The following FOLH1 variants were observed in gnomAD, a reference collection of about 807,000 sequenced individuals.
FOLH1 encodes glutamate carboxypeptidase 2.
FOLH1 carries 54 observed loss-of-function variants against 93.9 expected under a neutral mutation model. The observed-to-expected ratio is 0.57, with a 90% CI of 0.46 to 0.72. FOLH1 has a LOEUF of 0.72. FOLH1 is among the 30% of genes least tolerant of loss of function. The probability of loss-of-function intolerance (pLI) is 0.00; values close to 1 mark genes in which losing one functional copy is unlikely to be tolerated. For synonymous variants in FOLH1, 249 were observed against 303.6 expected, an observed-to-expected ratio of 0.82 and a Z score of 1.87; for missense variants, 571 against 892.5, an observed-to-expected ratio of 0.64 and a Z score of 4.59.
Position 49,173,459 on chromosome 11 carries a change from C to T in FOLH1, c.1123G>A (p.Gly375Arg). 2 of 1,606,376 alleles carry T rather than the reference C, an allele frequency of 1.2e-6. No individual in the cohort carries two copies. The highest frequency in any genetic ancestry group is 1.7e-6 in the Non-Finnish European group (2 of 1,175,214). Residue 375 changes from glycine (G) to arginine (R), a missense_variant, in exon 10 of 19, where the codon GGA (glycine) becomes AGA (arginine). By Grantham distance (125) the Gly-to-Arg change is moderately radical. Coordinates refer to ENST00000256999, the MANE Select transcript of FOLH1 (RefSeq NM_004476.3). Reference sequence around the variant, plus strand: ...AACACCCATGAGTCCCGGTGACCTCCCAGAATGACATATCTGTCTAGAAAG... The same window carrying T: ...AACACCCATGAGTCCCGGTGACCTCTCAGAATGACATATCTGTCTAGAAAG... The part of the protein sequence containing the change: ...AVEPDRYVIL[G>R]GHRDSWVFGG...
chr11:49,169,959 T>G (rs1158888502), intron 11 of FOLH1, among the ~76,000 whole-genome samples: 2 of 152,104 alleles, frequency 1.3e-5, no homozygotes, highest in Non-Finnish European at 2.9e-5. Context: ...AATTACACCG[T>G]CAAAATATTA....
chr11:49,171,308 A>C, intron 10 of FOLH1, 31 bp from the exon 11 acceptor site: 1 of 1,525,400 alleles, frequency 6.6e-7, no homozygotes, highest in Non-Finnish European at 8.8e-7. Context: ...TAAATGATAG[A>C]AAAAAAATTC....
At chr11:49,201,255 G>GATATATATATAT (rs35326986) in intron 2 of FOLH1, among the ~76,000 whole-genome samples, 69 of 139,856 alleles carry the variant, frequency 4.9e-4, no homozygotes, top group African/African-American at 1.7e-3. Context: ...AGCATGAAAA[G>GATATATATATAT]ATATATATAT....
chr11:49,179,064 A>C (rs1860424306), intron 7 of FOLH1, among the ~76,000 whole-genome samples: 2 of 152,246 alleles, frequency 1.3e-5, no homozygotes, highest in African/African-American at 4.8e-5. Flanking sequence ...AAATTTGGAC[A>C]AAAGAAAGCT....
In FOLH1 at chr11:49,183,173, T is replaced by C; in HGVS notation, c.896A>G (p.Tyr299Cys). 7.4e-6 allele frequency: 12 copies of C among 1,612,408 alleles called. No homozygotes were observed. The highest frequency in any genetic ancestry group is 1.1e-5 in the South Asian group (1 of 90,620). The change falls in exon 7 of 19, where the codon TAC becomes TGC. Residue 299 changes from tyrosine (Y) to cysteine (C), a missense_variant. Tyr to Cys is a radical substitution (Grantham distance 194). Transcript: ENST00000256999. ...LPSIPVHPIGYYDAQKLLEKM... is the reference protein window; with the variant it reads ...LPSIPVHPIGCYDAQKLLEKM... ...CTCTAGGAGCTTCTGTGCATCATAGTATCCAATTGGATGAACAGGAATACT... is the reference window on the plus strand; with the variant it reads ...CTCTAGGAGCTTCTGTGCATCATAGCATCCAATTGGATGAACAGGAATACT...
chr11:49,186,366 C>T (rs1027186280), intron 5 of FOLH1, among the ~76,000 whole-genome samples: 7 of 152,120 alleles, frequency 4.6e-5, no homozygotes, highest in Middle Eastern at 3.4e-3. Context: ...TAATAATAAA[C>T]CCAGTGCATG....
rs554163208 is a variant in FOLH1, at chr11:49,171,962, G to A, written c.1226-685C>T. On this transcript the variant is annotated intron_variant, in intron 10 of 18. Coordinates refer to ENST00000256999, the MANE Select transcript of FOLH1 (RefSeq NM_004476.3). ...CTTCATCTGTATACAAGGAACAAGA[G>A]AGTAAAGATGAAGACACCACTTGAT... 3.3e-5 allele frequency among the ~76,000 whole-genome samples: 5 copies of A among 152,214 alleles called. No individual in the cohort carries two copies. In the East Asian group the frequency reaches 9.7e-4, roughly 29 times the overall value.
At chr11:49,194,015 G>T (rs1034059402) in intron 3 of FOLH1, among the ~76,000 whole-genome samples, 1 of 151,484 alleles carries the variant, frequency 6.6e-6, no homozygotes, top group Admixed American at 6.6e-5. Flanking sequence ...AAAATTAGCC[G>T]GGCCTACGTG....
At position 49,146,814 on chromosome 11, in the gene FOLH1, A is replaced by G; in HGVS notation, c.2195T>C (p.Ile732Thr). The change falls in exon 19 of 19, where the codon ATT (isoleucine) becomes ACT (threonine). Residue 732 changes from isoleucine (I) to threonine (T), a missense_variant. Physicochemically the swap from Ile to Thr is moderately conservative, Grantham distance 89 (BLOSUM62 -1). Around this residue, in one of 2 missense-constraint regions of FOLH1, gnomAD observed 500 missense variants for 822.9 expected, o/e 0.61. Transcript: ENST00000256999. ...SKAWGEVKRQ[I>T]YVAAFTVQAA... The stretch of plus-strand genomic sequence containing the variant: ...CTGCACTGTGAAGGCTGCAACATAA[A>G]TCTGTCTCTTCACTTCTCCCCAGGC... 6.2e-7 allele frequency: 1 copy of G among 1,613,478 alleles called. No homozygotes were observed. Among genetic ancestry groups the G allele is most frequent in the South Asian group, 1.1e-5 (1 of 91,072 alleles).
chr11:49,185,522 A>G (rs1448016215), intron 6 of FOLH1, 147 bp downstream of exon 6: 1 of 1,064,576 alleles, frequency 9.4e-7, no homozygotes, highest in Non-Finnish European at 1.3e-6. Context: ...GCCTGAACCA[A>G]TCACTTTAGA....
Position 49,188,391 on chromosome 11 carries a change from G to A in FOLH1, c.514-1622C>T, listed in dbSNP as rs142856799. The stretch of plus-strand genomic sequence containing the variant: ...TCAGCTGGGCGTGGTGGCACCGCCT[G>A]TAATCCCAGCTACTCGGGGGCTGAG... On this transcript the variant is annotated intron_variant, in intron 4 of 18. Coordinates refer to ENST00000256999, the MANE Select transcript of FOLH1 (RefSeq NM_004476.3). Among the ~76,000 whole-genome samples, 890 of 151,762 alleles carry A rather than the reference G, an allele frequency of 5.9e-3. 9 individuals are homozygous for A. The highest frequency in any genetic ancestry group is 0.021 in the African/African-American group (851 of 41,378).
Position 49,157,945 on chromosome 11 carries a change from T to A in FOLH1, c.1532+7A>T. On this transcript the variant is annotated splice_region_variant and intron_variant, in intron 14 of 18. Coordinates refer to ENST00000256999, the MANE Select transcript of FOLH1 (RefSeq NM_004476.3). ...GAATTCAGTGGAAACTTCATTCATTTGTTTACCTGGGCATGCCACTGAACT... is the reference window on the plus strand; with the variant it reads ...GAATTCAGTGGAAACTTCATTCATTAGTTTACCTGGGCATGCCACTGAACT... 1 of 1,571,912 alleles carries A rather than the reference T, an allele frequency of 6.4e-7. No individual in the cohort carries two copies.
rs139141692 is a variant in FOLH1, at chr11:49,159,356, T to C, written c.1441-1313A>G. On this transcript the variant is annotated intron_variant, in intron 13 of 18. Coordinates refer to ENST00000256999, the MANE Select transcript of FOLH1 (RefSeq NM_004476.3). Reference sequence around the variant, plus strand: ...TAACATGAAGAGATATTCAATGTTATTGAAAGCTTTTTTCTGCATTTATTG... The same window carrying C: ...TAACATGAAGAGATATTCAATGTTACTGAAAGCTTTTTTCTGCATTTATTG... Among the ~76,000 whole-genome samples the C allele has an allele frequency of 5.9e-3, 897 of 152,372 alleles. 11 individuals are homozygous for C. The highest frequency in any genetic ancestry group is 0.021 in the African/African-American group (858 of 41,588).
intron 6 of FOLH1, among the ~76,000 whole-genome samples, chr11:49,184,715 A>G (rs1344049958): frequency 6.6e-6 from 1 of 152,266 alleles, no homozygotes; most frequent in African/African-American, 2.4e-5. Flanking sequence ...CATAAATGTC[A>G]TAGAAAACTT....
rs971454357 is a variant in FOLH1, at chr11:49,162,841, T to C, written c.1440+1864A>G. On this transcript the variant is annotated intron_variant, in intron 13 of 18. Transcript: ENST00000256999. ...CCACTTTTCTGCAGGGCTGCTGTGT[T>C]GTGCTGGGGGGTCGACTCCAATCGC... is the stretch of plus-strand genomic sequence containing the variant. 5 of 152,054 alleles carry C rather than the reference T, an allele frequency of 3.3e-5. 1 individual carries two copies. The highest frequency in any genetic ancestry group is 9.7e-5 in the African/African-American group (4 of 41,340). 9.4% of individuals were successfully genotyped at this position (152,054 alleles called of 1,614,324 possible).
At chr11:49,157,569 T>G (rs1055597183) in intron 14 of FOLH1, among the ~76,000 whole-genome samples, 1 of 151,860 alleles carries the variant, frequency 6.6e-6, no homozygotes, top group Admixed American at 6.6e-5. Flanking sequence ...AACTGAAGCA[T>G]TTCAGATTAT....
chr11:49,195,343 A>G (rs1862502688), intron 3 of FOLH1, among the ~76,000 whole-genome samples: 1 of 152,206 alleles, frequency 6.6e-6, no homozygotes, highest in African/African-American at 2.4e-5. Context: ...CAGAAATTAA[A>G]AAATATTTAG....
chr11:49,179,369 T>A (rs1860468277), intron 7 of FOLH1, among the ~76,000 whole-genome samples: 1 of 152,182 alleles, frequency 6.6e-6, no homozygotes, highest in Non-Finnish European at 1.5e-5. Context: ...AAGGTTGAAA[T>A]TATACAATCA....
chr11:49,208,106 C>T (rs1864174496), intron 1 of FOLH1, 186 bp downstream of exon 1: 2 of 620,134 alleles, frequency 3.2e-6, no homozygotes, highest in African/African-American at 3.7e-5. Flanking sequence ...GAGAACTCAG[C>T]CCTGCACCGT....
Sources: gnomAD v4.1 joint callset for allele counts (sites outside exome capture counted in the v4.1 genomes callset) on GRCh38, gnomAD v4.1.1 for gene constraint, gnomAD v4.1.1 regional missense constraint, MANE v1.5 for transcripts, NCBI Gene and HGNC (gene_info 2026-07-23, HGNC 2026-07-21) for gene names.